ENOX1: variants seen among roughly 807,000 people sequenced by gnomAD.
The protein encoded by ENOX1 is ecto-NOX disulfide-thiol exchanger 1, also known as candidate growth-related and time keeping constitutive hydroquinone (NADH) oxidase.
ENOX1 carries 42 observed loss-of-function variants against 82.5 expected under a neutral mutation model. The ratio of observed to expected loss-of-function variants is 0.51; its 90% CI spans 0.40 to 0.66. ENOX1 has a LOEUF of 0.66. Among genes scored for constraint, ENOX1 ranks in the 30% least tolerant of loss-of-function variants. The pLI, the probability that ENOX1 is intolerant of heterozygous loss-of-function variation, is 0.00. For synonymous variants in ENOX1, 271 were observed against 282.2 expected, an observed-to-expected ratio of 0.96 and a Z score of 0.40; for missense variants, 608 against 811.6, an observed-to-expected ratio of 0.75 and a Z score of 3.05.
At chr13:43,611,724 C>T (rs1043440274) in intron 2 of ENOX1, among the ~76,000 whole-genome samples, 20 of 152,166 alleles carry the variant, frequency 1.3e-4, no homozygotes, top group African/African-American at 4.8e-4. Flanking sequence ...TGAAATTATA[C>T]AACACTTCCA....
chr13:43,754,292 CAT>C (rs1950518980), intron 1 of ENOX1, among the ~76,000 whole-genome samples: 1 of 135,950 alleles, frequency 7.4e-6, no homozygotes, highest in Admixed American at 8.1e-5. Context: ...CATATATACA[CAT>C]ATATGCGTGT....
At position 43,322,547 on chromosome 13, in the gene ENOX1, G is replaced by T. The variant is rs547325796; in HGVS notation, c.1144-46C>A. 1.2e-5 allele frequency: 18 copies of T among 1,510,578 alleles called. 1 individual carries two copies. The South Asian group carries it at 2.0e-4, about 16-fold the overall frequency. The allele number at this position is 1,510,578 out of a possible 1,614,324, so 93.6% of individuals were successfully genotyped here. On this transcript the variant is annotated intron_variant, in intron 10 of 16. Coordinates refer to ENST00000690772, the MANE Select transcript of ENOX1 (RefSeq NM_001347969.2). ...AATGTCAGAGTCACAGACACATATG[G>T]CTTTCCCCAATGGTCTTTGGGTATA...
chr13:43,506,764 C>G lies in ENOX1; in HGVS notation c.-218-22612G>C, dbSNP rs1001064140. Reference sequence around the variant, plus strand: ...AAAAACCCAACACCGCATGTTCTCACTCATAGGTGGGAATTGAACAATGAG... The same window carrying G: ...AAAAACCCAACACCGCATGTTCTCAGTCATAGGTGGGAATTGAACAATGAG... On this transcript the variant is annotated intron_variant, in intron 2 of 16. Coordinates refer to ENST00000690772, the MANE Select transcript of ENOX1 (RefSeq NM_001347969.2). Among the ~76,000 whole-genome samples, 21 of 144,716 alleles carry G rather than the reference C, an allele frequency of 1.5e-4. 1 individual carries two copies. The highest frequency in any genetic ancestry group is 1.4e-3 in the Admixed American group (20 of 14,326). 94.9% of individuals were successfully genotyped at this position (144,716 alleles called of 152,430 possible).
intron 12 of ENOX1, among the ~76,000 whole-genome samples, chr13:43,283,765 T>C (rs190556560): frequency 7.3e-4 from 111 of 152,118 alleles, no homozygotes; most frequent in Admixed American, 1.0e-3. Flanking sequence ...TTTTTTTCAA[T>C]AGAAATTGGA....
chr13:43,620,379 G>T (rs901667523), intron 2 of ENOX1, among the ~76,000 whole-genome samples: 2 of 151,882 alleles, frequency 1.3e-5, no homozygotes, highest in African/African-American at 4.8e-5. Flanking sequence ...TGATGTAGGG[G>T]TTTTGGGTTA....
At chr13:43,688,362 T>C (rs2086182784) in intron 1 of ENOX1, among the ~76,000 whole-genome samples, 1 of 152,132 alleles carries the variant, frequency 6.6e-6, no homozygotes, top group South Asian at 2.1e-4. Context: ...ACATTTGAAA[T>C]GGAAAGAAGT....
intron 10 of ENOX1, among the ~76,000 whole-genome samples, chr13:43,326,091 A>C (rs2048097468): frequency 6.6e-6 from 1 of 152,266 alleles, no homozygotes; most frequent in Non-Finnish European, 1.5e-5. Flanking sequence ...TCTGTATTTA[A>C]AAGCCAGTTT....
intron 1 of ENOX1, among the ~76,000 whole-genome samples, chr13:43,676,106 G>A (rs576506574): frequency 6.6e-6 from 1 of 152,246 alleles, no homozygotes; most frequent in Middle Eastern, 3.4e-3. Context: ...CTCATGAATG[G>A]AAGAAACACT....
rs1951160072 is a variant in ENOX1, at chr13:43,764,490, AG to A, written c.-285+22161del. 2.6e-5 allele frequency among the ~76,000 whole-genome samples: 4 copies of A among 152,342 alleles called. No homozygotes were observed. The South Asian group carries it at 8.3e-4, about 32-fold the overall frequency. The stretch of plus-strand genomic sequence containing the variant: ...AGTTACACTTGATCTTCTTGTTAGC[AG>A]GGGCTGTGCAGACAGCAACATTTAC... On this transcript the variant is annotated intron_variant, in intron 1 of 16. Coordinates refer to ENST00000690772, the MANE Select transcript of ENOX1 (RefSeq NM_001347969.2).
chr13:43,316,047 A>T (rs2047462237), intron 11 of ENOX1, among the ~76,000 whole-genome samples: 1 of 152,044 alleles, frequency 6.6e-6, no homozygotes, highest in South Asian at 2.1e-4. Context: ...TCCCTTTGTG[A>T]AGATTGGTTG....
intron 5 of ENOX1, among the ~76,000 whole-genome samples, chr13:43,404,697 G>C (rs1013548166): frequency 6.6e-6 from 1 of 152,186 alleles, no homozygotes. Context: ...GCCAATTGCT[G>C]TTCCTCTAGT....
chr13:43,686,441 C>A (rs1377131770), intron 1 of ENOX1, among the ~76,000 whole-genome samples: 1 of 152,180 alleles, frequency 6.6e-6, no homozygotes, highest in African/African-American at 2.4e-5. Flanking sequence ...TGCAGGAGTT[C>A]CTTATTTTTT....
chr13:43,295,117 C>A (rs1416457637), intron 12 of ENOX1, among the ~76,000 whole-genome samples: 3 of 152,128 alleles, frequency 2.0e-5, no homozygotes, highest in African/African-American at 7.2e-5. Context: ...AATTTTACCT[C>A]AATAAACCTA....
At chr13:43,559,917 A>G (rs937381100) in intron 2 of ENOX1, among the ~76,000 whole-genome samples, 2 of 152,226 alleles carry the variant, frequency 1.3e-5, no homozygotes, top group Non-Finnish European at 2.9e-5. Context: ...AAAGTAAGGT[A>G]TGATTAAACT....
intron 1 of ENOX1, among the ~76,000 whole-genome samples, chr13:43,704,205 A>T (rs962571926): frequency 2.6e-5 from 4 of 152,162 alleles, no homozygotes; most frequent in African/African-American, 9.6e-5. Flanking sequence ...TAAAACAAAA[A>T]GAAAACATAA....
At chr13:43,617,208 C>T (rs1208848212) in intron 2 of ENOX1, among the ~76,000 whole-genome samples, 3 of 152,156 alleles carry the variant, frequency 2.0e-5, no homozygotes, top group Non-Finnish European at 4.4e-5. Context: ...TCAATATAAA[C>T]AATCTGCCAA....
intron 2 of ENOX1, among the ~76,000 whole-genome samples, chr13:43,601,906 T>G (rs1011445371): frequency 6.6e-6 from 1 of 152,056 alleles, no homozygotes; most frequent in East Asian, 1.9e-4. Flanking sequence ...ATATTTAAAG[T>G]GCTTACAGAA....
chr13:43,366,872 G>A (rs1359653005), intron 5 of ENOX1, among the ~76,000 whole-genome samples: 1 of 152,168 alleles, frequency 6.6e-6, no homozygotes, highest in African/African-American at 2.4e-5. Flanking sequence ...AAACCAAAGT[G>A]TTCAGCATAA....
At chr13:43,268,647 A>T (rs1250110007) in intron 13 of ENOX1, among the ~76,000 whole-genome samples, 1 of 152,214 alleles carries the variant, frequency 6.6e-6, no homozygotes, top group African/African-American at 2.4e-5. Context: ...GAAGTTATGT[A>T]TACAGTGTAA....
Sources: allele counts gnomAD v4.1 joint callset (sites outside exome capture counted in the v4.1 genomes callset), GRCh38; gene constraint gnomAD v4.1.1; transcripts MANE v1.5; gene names NCBI Gene and HGNC (gene_info 2026-07-23, HGNC 2026-07-21).